Variants in PDK1 observed in about 807,000 individuals in gnomAD.
PDK1 encodes the protein [Pyruvate dehydrogenase (acetyl-transferring)] kinase isozyme 1, mitochondrial.
A neutral mutation model predicts 54.2 loss-of-function variants in PDK1; 39 were observed. The observed-to-expected ratio is 0.72, with a 90% CI of 0.56 to 0.94. The LOEUF is 0.94. Among genes scored for constraint, PDK1 ranks in the 40% least tolerant of loss-of-function variants. The probability of loss-of-function intolerance (pLI) is 0.00; values close to 1 mark genes in which losing one functional copy is unlikely to be tolerated. For synonymous variants in PDK1, 221 were observed against 207.1 expected, an observed-to-expected ratio of 1.07 and a Z score of -0.58; for missense variants, 552 against 566.0, an observed-to-expected ratio of 0.98 and a Z score of 0.25.
At chr2:172,648,754 T>C in the PDK1 span, among the ~76,000 whole-genome samples, 4 of 152,244 alleles carry the variant, frequency 2.6e-5, no homozygotes, top group East Asian at 7.7e-4. Flanking sequence ...CAGTCTGAGA[T>C]TGAACTACAA....
At chr2:172,572,052 G>A (rs868452890) in intron 8 of PDK1, among the ~76,000 whole-genome samples, 2 of 151,872 alleles carry the variant, frequency 1.3e-5, no homozygotes, top group Admixed American at 6.6e-5. Context: ...GGCTGGTCTC[G>A]AACTCGACCT....
At chr2:172,703,962 CAG>C in the PDK1 span, among the ~76,000 whole-genome samples, 1 of 151,694 alleles carries the variant, frequency 6.6e-6, no homozygotes, top group African/African-American at 2.4e-5. Flanking sequence ...TTAGTAGAGA[CAG>C]GGTTTCACCA....
At chr2:172,594,991 G>A (rs1379133980) in intron 10 of PDK1, among the ~76,000 whole-genome samples, 1 of 152,110 alleles carries the variant, frequency 6.6e-6, no homozygotes, top group Non-Finnish European at 1.5e-5. Context: ...CAAACCCAGG[G>A]CCAATAAATG....
the PDK1 span, among the ~76,000 whole-genome samples, chr2:172,700,108 A>G: frequency 2.0e-5 from 3 of 152,230 alleles, no homozygotes; most frequent in East Asian, 3.8e-4. Context: ...CCAAGGCAGA[A>G]GAATTTTTCT....
At chr2:172,566,115 A>G (rs1436194848) in intron 5 of PDK1, among the ~76,000 whole-genome samples, 1 of 152,258 alleles carries the variant, frequency 6.6e-6, no homozygotes, top group African/African-American at 2.4e-5. Flanking sequence ...AAGTTTTGTT[A>G]CATAGATAGC....
chr2:172,581,166 T>C (rs1360448325), intron 8 of PDK1, among the ~76,000 whole-genome samples: 1 of 152,120 alleles, frequency 6.6e-6, no homozygotes, highest in African/African-American at 2.4e-5. Context: ...GATCTCAGCT[T>C]GCTGCAAGCT....
chr2:172,710,621 A>G, the PDK1 span, among the ~76,000 whole-genome samples: 3 of 152,378 alleles, frequency 2.0e-5, no homozygotes, highest in African/African-American at 7.2e-5. Flanking sequence ...ACTACTGGGC[A>G]AAGCAAGGAC....
chr2:172,669,813 A>G, the PDK1 span, among the ~76,000 whole-genome samples: 4 of 152,200 alleles, frequency 2.6e-5, no homozygotes, highest in Non-Finnish European at 5.9e-5. Context: ...TTCGAGAGAC[A>G]TCTGGTTGAG....
the PDK1 span, among the ~76,000 whole-genome samples, chr2:172,702,818 T>G: frequency 6.6e-6 from 1 of 152,124 alleles, no homozygotes; most frequent in Non-Finnish European, 1.5e-5. Flanking sequence ...TCACCATGAT[T>G]GAGGGCAAAA....
chr2:172,592,816 A>G (rs747242005), intron 9 of PDK1, 119 bp from the exon 10 acceptor site: 4 of 512,752 alleles, frequency 7.8e-6, no homozygotes, highest in Non-Finnish European at 1.4e-5. Context: ...ATTAAATATA[A>G]TGCATCTCTC....
the PDK1 span, among the ~76,000 whole-genome samples, chr2:172,646,002 C>T: frequency 6.6e-6 from 1 of 152,204 alleles, no homozygotes; most frequent in Non-Finnish European, 1.5e-5. Context: ...ATATTTTCTT[C>T]TCTTTATAAA....
the PDK1 span, among the ~76,000 whole-genome samples, chr2:172,653,896 G>T: frequency 1.1e-4 from 16 of 152,156 alleles, no homozygotes; most frequent in East Asian, 5.8e-4. Context: ...GTAATATCCA[G>T]AATCACAAAG....
chr2:172,589,794 TAAA>T (rs1331505038), intron 9 of PDK1, among the ~76,000 whole-genome samples: 2 of 152,246 alleles, frequency 1.3e-5, no homozygotes, highest in Non-Finnish European at 2.9e-5. Flanking sequence ...GACTTGGTAA[TAAA>T]AACCATTTTC....
the PDK1 span, among the ~76,000 whole-genome samples, chr2:172,628,818 A>C: frequency 6.6e-6 from 1 of 151,996 alleles, no homozygotes; most frequent in Non-Finnish European, 1.5e-5. Context: ...TTGCCTCTAA[A>C]TCTCTACTGT....
the PDK1 span, among the ~76,000 whole-genome samples, chr2:172,702,412 G>T: frequency 1.6e-4 from 25 of 152,042 alleles, no homozygotes; most frequent in East Asian, 3.7e-3. Flanking sequence ...AGGAGGTGGA[G>T]GTTGTAGTGA....
At chr2:172,570,250 C>A (rs920510373) in intron 7 of PDK1, among the ~76,000 whole-genome samples, 1 of 152,150 alleles carries the variant, frequency 6.6e-6, no homozygotes, top group Admixed American at 6.5e-5. Flanking sequence ...AATGACAATA[C>A]CCTTAATTTC....
the PDK1 span, among the ~76,000 whole-genome samples, chr2:172,627,560 T>G: frequency 1.3e-5 from 2 of 152,230 alleles, no homozygotes; most frequent in African/African-American, 4.8e-5. Context: ...GACCATATTT[T>G]GTTCTCTCTT....
the PDK1 span, among the ~76,000 whole-genome samples, chr2:172,615,845 A>G: frequency 6.6e-6 from 1 of 152,240 alleles, no homozygotes; most frequent in South Asian, 2.1e-4. Flanking sequence ...GGTAAAAAAG[A>G]ACGTCTTTCT....
chr2:172,648,791 G>A, the PDK1 span, among the ~76,000 whole-genome samples: 6 of 152,190 alleles, frequency 3.9e-5, no homozygotes, highest in African/African-American at 7.2e-5. Context: ...GGGGAGGGGC[G>A]TCTTCCATTG....
Sources: gnomAD v4.1 joint callset for allele counts (sites outside exome capture counted in the v4.1 genomes callset) on GRCh38, gnomAD v4.1.1 for gene constraint, MANE v1.5 for transcripts, NCBI Gene and HGNC (gene_info 2026-07-23, HGNC 2026-07-21) for gene names.